Variants in AP2B1 observed in about 807,000 individuals in gnomAD.
The protein encoded by AP2B1 is AP-2 complex subunit beta.
A neutral mutation model predicts 102.0 loss-of-function variants in AP2B1; 23 were observed. The ratio of observed to expected loss-of-function variants is 0.23; its 90% CI spans 0.16 to 0.32. The LOEUF (loss-of-function observed/expected upper bound fraction) is 0.32, where lower values mean the gene tolerates loss of function less well. Among genes scored for constraint, AP2B1 ranks in the 10% least tolerant of loss-of-function variants. The probability of loss-of-function intolerance (pLI) is 1.00; values close to 1 mark genes in which losing one functional copy is unlikely to be tolerated. For missense variants in AP2B1, 541 were observed against 1,157.4 expected, an observed-to-expected ratio of 0.47 and a Z score of 7.73; for synonymous variants, 381 against 421.2, an observed-to-expected ratio of 0.90 and a Z score of 1.17.
At chr17:35,632,893 C>A (rs192499799) in intron 9 of AP2B1, among the ~76,000 whole-genome samples, 3 of 151,594 alleles carry the variant, frequency 2.0e-5, no homozygotes, top group African/African-American at 7.3e-5. Flanking sequence ...TACAGTGGCC[C>A]ATATTCTACA....
intron 13 of AP2B1, among the ~76,000 whole-genome samples, chr17:35,656,884 C>CAAA (rs11400227): frequency 5.8e-5 from 8 of 137,882 alleles, no homozygotes; most frequent in Non-Finnish European, 6.2e-5. Flanking sequence ...GACTCCGTCT[C>CAAA]AAAAAAAAAA....
chr17:35,618,950 A>G lies in AP2B1; in HGVS notation c.526-5447A>G, dbSNP rs72828065. Among the ~76,000 whole-genome samples the G allele has an allele frequency of 6.5e-3, 992 of 152,332 alleles. 8 individuals carry two copies. The highest frequency in any genetic ancestry group is 0.03 in the South Asian group (146 of 4,822). On this transcript the variant is annotated intron_variant, in intron 5 of 21. Transcript: ENST00000610402. The stretch of plus-strand genomic sequence containing the variant: ...CATTTTTCTCCTTGTATATAAATCT[A>G]CATGTCACCTTTGCTGGAAATAATG...
At chr17:35,592,530 C>T (rs989678971) in intron 1 of AP2B1, among the ~76,000 whole-genome samples, 4 of 151,458 alleles carry the variant, frequency 2.6e-5, no homozygotes, top group African/African-American at 9.7e-5. Context: ...CCGCGCCTGG[C>T]CCAAATTCCT....
chr17:35,699,778 G>C lies in AP2B1; in HGVS notation c.2455-9446G>C, dbSNP rs587637227. The stretch of plus-strand genomic sequence containing the variant: ...GAGTTTGAAATGCTATTTAAACTTT[G>C]GGTCACCAAGCACAGTGGCTCATGC... On this transcript the variant is annotated intron_variant, in intron 18 of 21. Transcript: ENST00000610402. Among the ~76,000 whole-genome samples the C allele has an allele frequency of 2.8e-4, 43 of 152,152 alleles. No individual in the cohort carries two copies. The East Asian group carries it at 5.2e-3, about 18-fold the overall frequency.
intron 9 of AP2B1, among the ~76,000 whole-genome samples, chr17:35,631,501 A>AT (rs1352141882): frequency 6.6e-6 from 1 of 151,924 alleles, no homozygotes; most frequent in Non-Finnish European, 1.5e-5. Flanking sequence ...ACAAAGATGT[A>AT]TTTTTTTATA....
chr17:35,597,431 C>A (rs532766868), intron 2 of AP2B1, among the ~76,000 whole-genome samples: 39 of 152,108 alleles, frequency 2.6e-4, no homozygotes, highest in Non-Finnish European at 4.9e-4. Flanking sequence ...GTTTACAGTG[C>A]GGAGCCTAAG....
At chr17:35,691,956 TAGTG>T (rs1457805652) in intron 18 of AP2B1, among the ~76,000 whole-genome samples, 2 of 152,248 alleles carry the variant, frequency 1.3e-5, no homozygotes, top group Admixed American at 6.5e-5. Flanking sequence ...AGATTGTCCT[TAGTG>T]AGAACACTCC....
chr17:35,699,121 G>C (rs940187893), intron 18 of AP2B1, among the ~76,000 whole-genome samples: 2 of 152,156 alleles, frequency 1.3e-5, no homozygotes, highest in African/African-American at 4.8e-5. Context: ...TTTGGTTTCT[G>C]TTGGCTTCCT....
chr17:35,654,807 G>A (rs1222813052), intron 13 of AP2B1, among the ~76,000 whole-genome samples: 2 of 151,846 alleles, frequency 1.3e-5, no homozygotes, highest in African/African-American at 4.8e-5. Context: ...TTTTCTTGGT[G>A]GGAATTTTAC....
At chr17:35,610,879 C>G (rs1400653448) in intron 5 of AP2B1, among the ~76,000 whole-genome samples, 3 of 149,866 alleles carry the variant, frequency 2.0e-5, no homozygotes, top group South Asian at 4.2e-4. Flanking sequence ...TGCATTCCAG[C>G]CTGGGTGACG....
intron 1 of AP2B1, among the ~76,000 whole-genome samples, chr17:35,591,188 A>G (rs1197893504): frequency 6.6e-6 from 1 of 150,442 alleles, no homozygotes; most frequent in African/African-American, 2.4e-5. Context: ...AAAAAAAAAA[A>G]AAAAAGAATT....
intron 12 of AP2B1, among the ~76,000 whole-genome samples, chr17:35,647,462 G>A (rs9897552): frequency 0.21 from 31,591 of 150,666 alleles, 3,399 homozygotes; most frequent in East Asian, 0.34. Context: ...TTTTTAACCC[G>A]GGCATTTCAA....
chr17:35,692,245 G>T (rs1275550569), intron 18 of AP2B1, among the ~76,000 whole-genome samples: 1 of 152,152 alleles, frequency 6.6e-6, no homozygotes, highest in East Asian at 1.9e-4. Flanking sequence ...AATCTATGCT[G>T]ATATCCTGAG....
intron 20 of AP2B1, among the ~76,000 whole-genome samples, chr17:35,714,431 G>C (rs2076511480): frequency 6.6e-6 from 1 of 152,026 alleles, no homozygotes; most frequent in African/African-American, 2.4e-5. Flanking sequence ...GCTGTCAGAG[G>C]ATGTGTGACC....
chr17:35,604,457 G>GAA (rs373538334), intron 3 of AP2B1, among the ~76,000 whole-genome samples: 2 of 144,580 alleles, frequency 1.4e-5, no homozygotes, highest in Non-Finnish European at 3.1e-5. Context: ...AAAGGTAGTG[G>GAA]AAAAAAAAAA....
chr17:35,664,137 G>C (rs2075412746), intron 14 of AP2B1, among the ~76,000 whole-genome samples: 1 of 152,186 alleles, frequency 6.6e-6, no homozygotes. Context: ...TAAAGCAGTA[G>C]TACTTTGAGG....
intron 17 of AP2B1, among the ~76,000 whole-genome samples, chr17:35,674,972 C>T (rs1261275708): frequency 6.6e-6 from 1 of 152,180 alleles, no homozygotes; most frequent in East Asian, 1.9e-4. Flanking sequence ...TTTCTAGGTA[C>T]TGGGGCTAGA....
rs748507383 is a variant in AP2B1 at position 35,641,858 on chromosome 17, A to G, written c.1438-19A>G. The stretch of plus-strand genomic sequence containing the variant: ...GCCAGTGCCATTCTTTCACACTATC[A>G]CAAATTATGTCTGTTTAGGTGCAGC... On this transcript the variant is annotated intron_variant, in intron 11 of 21. Transcript: ENST00000610402. 2 of 1,578,588 alleles carry G rather than the reference A, an allele frequency of 1.3e-6. No individual in the cohort carries two copies. Among genetic ancestry groups the G allele is most frequent in the Non-Finnish European group, 1.7e-6 (2 of 1,152,190 alleles).
intron 5 of AP2B1, among the ~76,000 whole-genome samples, chr17:35,609,902 G>T (rs1024060126): frequency 4.6e-5 from 7 of 152,186 alleles, no homozygotes; most frequent in Admixed American, 1.3e-4. Flanking sequence ...CTTGGCTTCT[G>T]TTTATTATCC....
Sources: allele counts gnomAD v4.1 joint callset (sites outside exome capture counted in the v4.1 genomes callset), GRCh38; gene constraint gnomAD v4.1.1; transcripts MANE v1.5; gene names NCBI Gene and HGNC (gene_info 2026-07-23, HGNC 2026-07-21).